The following ADAMTSL1 variants were observed in gnomAD, a reference collection of about 807,000 sequenced individuals.
The protein encoded by ADAMTSL1 is ADAMTS-like protein 1.
In ADAMTSL1, 126 loss-of-function variants were observed where a neutral mutation model predicts 201.8. That is an observed-to-expected ratio of 0.62 (90% CI 0.54 to 0.72). The LOEUF (loss-of-function observed/expected upper bound fraction) is 0.72. ADAMTSL1 is among the 30% of genes least tolerant of loss of function. The pLI is 0.00. For missense variants in ADAMTSL1, 2,679 were observed against 2,277.8 expected (o/e 1.18, Z -3.59); for synonymous variants, 1,121 against 903.4 (o/e 1.24, Z -4.32).
chr9:18,401,318 A>G (rs1013556866), intron 2 of ADAMTSL1, among the ~76,000 whole-genome samples: 6 of 152,116 alleles, frequency 3.9e-5, no homozygotes, highest in Non-Finnish European at 5.9e-5. Context: ...CCTCTTCTCT[A>G]TTGCATGGCT....
intron 2 of ADAMTSL1, among the ~76,000 whole-genome samples, chr9:18,340,969 TCATTAGCCTAGAC>T (rs1478465361): frequency 5.3e-5 from 8 of 152,284 alleles, no homozygotes; most frequent in South Asian, 2.1e-4. Context: ...GTCACTACTG[TCATTAGCCTAGAC>T]CATTAGCCTA....
At chr9:18,669,100 C>T (rs1829646514) in intron 9 of ADAMTSL1, among the ~76,000 whole-genome samples, 1 of 152,212 alleles carries the variant, frequency 6.6e-6, no homozygotes, top group Admixed American at 6.5e-5. Context: ...GATCTGGTTC[C>T]AGCCCAACGT....
intron 8 of ADAMTSL1, among the ~76,000 whole-genome samples, chr9:18,660,908 T>C (rs936753103): frequency 1.2e-4 from 18 of 152,186 alleles, no homozygotes; most frequent in African/African-American, 4.3e-4. Flanking sequence ...CCTTCTGATT[T>C]CCTAAAATCT....
chr9:18,291,700 CTCTCTCTCTCTCTCTT>C (rs1204379165), intron 2 of ADAMTSL1, among the ~76,000 whole-genome samples: 2,455 of 133,854 alleles, frequency 0.018, 71 homozygotes, highest in African/African-American at 0.071. Flanking sequence ...CGCACATGCT[CTCTCTCTCTCTCTCTT>C]TCTCTCTCTC....
intron 1 of ADAMTSL1, among the ~76,000 whole-genome samples, chr9:17,957,309 C>A (rs927764693): frequency 1.3e-5 from 2 of 152,198 alleles, no homozygotes; most frequent in Non-Finnish European, 2.9e-5. Context: ...CCCTTTCTGA[C>A]TTCCAGAGAC....
At chr9:17,931,821 T>G (rs950574242) in intron 1 of ADAMTSL1, among the ~76,000 whole-genome samples, 50 of 152,186 alleles carry the variant, frequency 3.3e-4, no homozygotes, top group African/African-American at 1.1e-3. Flanking sequence ...CCATCACGGG[T>G]CAGAGCTAGA....
At chr9:18,838,714 AAGCTGCTTGGGAGGCTGAGGTGTAGTCCT>A (rs1825497305) in intron 23 of ADAMTSL1, among the ~76,000 whole-genome samples, 2 of 151,632 alleles carry the variant, frequency 1.3e-5, no homozygotes, top group Admixed American at 6.6e-5. Context: ...CCTGTAGTCC[AAGCTGCTTGGGAGGCTGAGGTGTAGTCCT>A]AGCTGCTTGG....
intron 3 of ADAMTSL1, among the ~76,000 whole-genome samples, chr9:18,553,445 A>C (rs1255670883): frequency 1.3e-5 from 2 of 151,820 alleles, no homozygotes; most frequent in South Asian, 2.1e-4. Context: ...TATTTTTCTT[A>C]ACTCACAGAT....
chr9:18,513,763 T>A lies in ADAMTSL1; in HGVS notation c.191+8807T>A, dbSNP rs566337407. 2.6e-5 allele frequency among the ~76,000 whole-genome samples: 4 copies of A among 152,352 alleles called. No individual in the cohort carries two copies. In the South Asian group the frequency reaches 8.3e-4, roughly 32 times the overall value. On this transcript the variant is annotated intron_variant, in intron 2 of 28. Coordinates refer to ENST00000380548, the MANE Select transcript of ADAMTSL1 (RefSeq NM_001040272.6). ...CCATTGTGTATTCTTGGAACCTTTG[T>A]CAAAGATCAGTTGACTGTGTATGTG... is the stretch of plus-strand genomic sequence containing the variant.
At chr9:18,428,628 C>G (rs1004258652) in intron 2 of ADAMTSL1, among the ~76,000 whole-genome samples, 6 of 151,784 alleles carry the variant, frequency 4.0e-5, no homozygotes, top group Non-Finnish European at 5.9e-5. Context: ...AAACAAAAAA[C>G]AAGAAAAACA....
At chr9:18,346,733 G>T (rs764798039) in intron 2 of ADAMTSL1, among the ~76,000 whole-genome samples, 1 of 152,116 alleles carries the variant, frequency 6.6e-6, no homozygotes, top group Non-Finnish European at 1.5e-5. Flanking sequence ...ATCTTTAGAC[G>T]TTTTTGAAGT....
intron 3 of ADAMTSL1, among the ~76,000 whole-genome samples, chr9:18,544,763 T>G (rs1255318699): frequency 1.3e-5 from 2 of 152,212 alleles, no homozygotes; most frequent in Non-Finnish European, 2.9e-5. Flanking sequence ...AACCCGTAAT[T>G]TCCCTCAATA....
chr9:18,707,688 G>A (rs1294254207), intron 14 of ADAMTSL1, among the ~76,000 whole-genome samples: 1 of 152,240 alleles, frequency 6.6e-6, no homozygotes, highest in Non-Finnish European at 1.5e-5. Context: ...TTCTCTGCCT[G>A]GAGCCTTTCC....
intron 1 of ADAMTSL1, among the ~76,000 whole-genome samples, chr9:18,129,443 T>C (rs1022362680): frequency 6.6e-6 from 1 of 152,162 alleles, no homozygotes; most frequent in Non-Finnish European, 1.5e-5. Flanking sequence ...GATACAACTT[T>C]CCTGAAAGAA....
chr9:18,824,378 G>A (rs919482778), intron 21 of ADAMTSL1, among the ~76,000 whole-genome samples: 2 of 152,148 alleles, frequency 1.3e-5, no homozygotes, highest in African/African-American at 4.8e-5. Context: ...TGAGCATAAA[G>A]TATCCTACTG....
intron 1 of ADAMTSL1, among the ~76,000 whole-genome samples, chr9:18,148,995 T>A (rs551762825): frequency 5.3e-5 from 8 of 152,154 alleles, no homozygotes; most frequent in African/African-American, 1.9e-4. Context: ...TAAAATTTTG[T>A]TTTATGATTA....
intron 1 of ADAMTSL1, among the ~76,000 whole-genome samples, 157 bp downstream of exon 1, chr9:18,474,452 C>T (rs1294671843): frequency 2.0e-5 from 3 of 152,062 alleles, no homozygotes; most frequent in Non-Finnish European, 4.4e-5. Flanking sequence ...AATACTCCTT[C>T]TAGAACTTTT....
chr9:18,222,512 A>G (rs1301280995), intron 2 of ADAMTSL1, among the ~76,000 whole-genome samples: 2 of 151,848 alleles, frequency 1.3e-5, no homozygotes, highest in Admixed American at 6.6e-5. Flanking sequence ...TTTCACTTCA[A>G]TCATCTTTTC....
chr9:18,613,381 G>A (rs1210042699), intron 4 of ADAMTSL1, among the ~76,000 whole-genome samples: 1 of 152,148 alleles, frequency 6.6e-6, no homozygotes, highest in Non-Finnish European at 1.5e-5. Context: ...CAAAGGAATA[G>A]AAATTGTTCT....
Sources: allele counts gnomAD v4.1 joint callset (sites outside exome capture counted in the v4.1 genomes callset), GRCh38; gene constraint gnomAD v4.1.1; transcripts MANE v1.5; gene names NCBI Gene and HGNC (gene_info 2026-07-23, HGNC 2026-07-21).